Variants in KCNJ6 observed in about 807,000 individuals in gnomAD.
The protein encoded by KCNJ6 is G protein-activated inward rectifier potassium channel 2.
KCNJ6 carries 9 observed loss-of-function variants against 34.2 expected under a neutral mutation model. The observed-to-expected ratio is 0.26, with a 90% confidence interval of 0.16 to 0.46. The LOEUF (loss-of-function observed/expected upper bound fraction) is 0.46. KCNJ6 is among the 20% of genes least tolerant of loss of function. The probability of loss-of-function intolerance (pLI) is 1.00; values close to 1 mark genes in which losing one functional copy is unlikely to be tolerated. For missense variants in KCNJ6, 236 were observed against 531.3 expected (o/e 0.44, Z 5.46); for synonymous variants, 196 against 207.1 (o/e 0.95, Z 0.46).
chr21:37,625,261 G>A lies in KCNJ6; in HGVS notation c.1170C>T (p.Asn390=). Residue 390 remains asparagine (N), a synonymous_variant, in exon 4 of 4, where the codon AAC becomes AAT. Transcript: ENST00000609713. ...PLSWSVSSKL[N]QHAELETEEE... ...CTTCAGTCTCCAGTTCTGCATGTTG[G>A]TTGAGTTTGCTGGATACAGACCAAC... is the stretch of plus-strand genomic sequence containing the variant. 1 of 1,614,144 alleles carries A rather than the reference G, an allele frequency of 6.2e-7. No homozygotes were observed. Among genetic ancestry groups the A allele is most frequent in the Non-Finnish European group, 8.5e-7 (1 of 1,180,004 alleles).
rs1034915372 is a variant in KCNJ6, at chr21:37,689,029, C to T, written c.946+25182G>A. 5.3e-5 allele frequency among the ~76,000 whole-genome samples: 8 copies of T among 152,014 alleles called. No homozygotes were observed. The South Asian group carries it at 6.2e-4, about 12-fold the overall frequency. On this transcript the variant is annotated intron_variant, in intron 3 of 3. Transcript: ENST00000609713. ...ATTGGTGATATAAATCACCATATAT[C>T]GTTGGTGATAAATCAAAGGTGATAT...
intron 2 of KCNJ6, among the ~76,000 whole-genome samples, chr21:37,715,904 T>C (rs1265060150): frequency 1.3e-5 from 2 of 152,280 alleles, no homozygotes; most frequent in Non-Finnish European, 2.9e-5. Context: ...AAGCCACCCA[T>C]TCTGTGATAT....
chr21:37,634,133 T>C (rs574424515), intron 3 of KCNJ6, among the ~76,000 whole-genome samples: 16 of 152,296 alleles, frequency 1.1e-4, no homozygotes, highest in African/African-American at 3.8e-4. Context: ...ATTTGTCCTC[T>C]CCAAATCCCA....
intron 2 of KCNJ6, among the ~76,000 whole-genome samples, chr21:37,828,490 A>G (rs1772853778): frequency 6.6e-6 from 1 of 152,154 alleles, no homozygotes; most frequent in African/African-American, 2.4e-5. Flanking sequence ...CAGGCCTGGG[A>G]GCTGGGGGGT....
chr21:37,742,028 G>C (rs2054943753), intron 2 of KCNJ6, among the ~76,000 whole-genome samples: 3 of 152,204 alleles, frequency 2.0e-5, no homozygotes, highest in Admixed American at 2.0e-4. Context: ...TGGAAAAGGG[G>C]GAAGGCCTCA....
intron 2 of KCNJ6, among the ~76,000 whole-genome samples, chr21:37,832,977 A>G (rs2055433740): frequency 6.6e-6 from 1 of 151,138 alleles, no homozygotes; most frequent in Admixed American, 6.6e-5. Context: ...AGAGTAGATT[A>G]TCTCCCTGTC....
chr21:37,785,920 A>T (rs936886322), intron 2 of KCNJ6, among the ~76,000 whole-genome samples: 2 of 152,258 alleles, frequency 1.3e-5, no homozygotes, highest in Non-Finnish European at 2.9e-5. Flanking sequence ...CAGTGGGAAG[A>T]TGCTATCTCT....
At chr21:37,819,976 C>T (rs187860109) in intron 2 of KCNJ6, among the ~76,000 whole-genome samples, 63 of 151,862 alleles carry the variant, frequency 4.1e-4, no homozygotes, top group Non-Finnish European at 1.5e-4. Context: ...TTGGTAGAGT[C>T]GGGGTTTCAC....
intron 2 of KCNJ6, among the ~76,000 whole-genome samples, chr21:37,837,950 T>C (rs1269610974): frequency 6.6e-6 from 1 of 152,268 alleles, no homozygotes; most frequent in African/African-American, 2.4e-5. Flanking sequence ...GTAGCATCTA[T>C]AGAAGTTGCC....
At chr21:37,635,627 C>T (rs2054354284) in intron 3 of KCNJ6, among the ~76,000 whole-genome samples, 1 of 152,076 alleles carries the variant, frequency 6.6e-6, no homozygotes, top group Admixed American at 6.5e-5. Flanking sequence ...AGGTGATCCT[C>T]CCACTTCAGC....
intron 2 of KCNJ6, among the ~76,000 whole-genome samples, chr21:37,753,323 A>G (rs2055006119): frequency 6.6e-6 from 1 of 152,162 alleles, no homozygotes; most frequent in South Asian, 2.1e-4. Flanking sequence ...AACGTCCCCT[A>G]GTGCCCTGGG....
chr21:37,727,458 CGTGTGTGT>C (rs33993661), intron 2 of KCNJ6, among the ~76,000 whole-genome samples: 1 of 148,030 alleles, frequency 6.8e-6, no homozygotes, highest in East Asian at 2.0e-4. Context: ...TGAGGACTCA[CGTGTGTGT>C]GTGTGTGTGC....
intron 2 of KCNJ6, among the ~76,000 whole-genome samples, chr21:37,745,194 A>C (rs1207477588): frequency 6.7e-6 from 1 of 148,604 alleles, no homozygotes; most frequent in Non-Finnish European, 1.5e-5. Context: ...TCCCAGGCTC[A>C]AGTGATACTC....
At chr21:37,885,803 C>T (rs1024644852) in intron 1 of KCNJ6, among the ~76,000 whole-genome samples, 1 of 152,254 alleles carries the variant, frequency 6.6e-6, no homozygotes, top group Non-Finnish European at 1.5e-5. Context: ...CAAGCCTGCA[C>T]TTCTGACATC....
Position 37,621,912 on chromosome 21 carries a change from A to T in KCNJ6, c.*3247T>A, listed in dbSNP as rs1466140185. Reference sequence around the variant, plus strand: ...TACCCAGGGGACAGCTAAAACAGAAATGATTTTATTGGTTCCATAAAGTTG... The same window carrying T: ...TACCCAGGGGACAGCTAAAACAGAATTGATTTTATTGGTTCCATAAAGTTG... On this transcript the variant is annotated 3_prime_UTR_variant, in exon 4 of 4. Transcript: ENST00000609713. 1 of 152,208 alleles carries T rather than the reference A, an allele frequency of 6.6e-6. No individual in the cohort carries two copies. Among genetic ancestry groups the T allele is most frequent in the African/African-American group, 2.4e-5 (1 of 41,448 alleles). The allele number at this position is 152,208 out of a possible 1,614,324, so 9.4% of individuals were successfully genotyped here.
chr21:37,832,620 C>G (rs1375252628), intron 2 of KCNJ6, among the ~76,000 whole-genome samples: 2 of 152,122 alleles, frequency 1.3e-5, no homozygotes. Context: ...TGCTCTCTGA[C>G]GGTCAACTCA....
Position 37,610,955 on chromosome 21 carries a change from C to T in KCNJ6, c.*14204G>A, listed in dbSNP as rs2054240937. On this transcript the variant is annotated 3_prime_UTR_variant, in exon 4 of 4. Coordinates refer to ENST00000609713, the MANE Select transcript of KCNJ6 (RefSeq NM_002240.5). ...GTAGAAAAAAAGAGCAAATTAAACC[C>T]AAAGTAAGCCAATGAGAAGAAATAA... 6.6e-6 allele frequency: 1 copy of T among 151,664 alleles called. No individual in the cohort carries two copies. Among genetic ancestry groups the T allele is most frequent in the Non-Finnish European group, 1.5e-5 (1 of 67,904 alleles). The allele number at this position is 151,664 out of a possible 1,614,324, so 9.4% of individuals were successfully genotyped here.
intron 2 of KCNJ6, among the ~76,000 whole-genome samples, chr21:37,814,397 C>A (rs1170188169): frequency 2.6e-5 from 4 of 152,098 alleles, no homozygotes; most frequent in Non-Finnish European, 5.9e-5. Context: ...AAAAATTGGG[C>A]TACCATATGA....
intron 1 of KCNJ6, among the ~76,000 whole-genome samples, chr21:37,878,831 A>G (rs1405289479): frequency 6.6e-6 from 1 of 152,186 alleles, no homozygotes; most frequent in East Asian, 1.9e-4. Flanking sequence ...ACTCACCCCC[A>G]CTGGAAGGCT....
Sources: allele counts gnomAD v4.1 joint callset (sites outside exome capture counted in the v4.1 genomes callset), GRCh38; gene constraint gnomAD v4.1.1; transcripts MANE v1.5; gene names NCBI Gene and HGNC (gene_info 2026-07-23, HGNC 2026-07-21).